The following FGF13 variants were observed in gnomAD, a reference collection of about 807,000 sequenced individuals.
The protein encoded by FGF13 is fibroblast growth factor homologous factor 2.
Under a neutral mutation model 19.5 loss-of-function variants are expected in FGF13, and 2 were observed. That is an observed-to-expected ratio of 0.10 (90% CI 0.04 to 0.32). FGF13 has a LOEUF of 0.32. Ranked by LOEUF, FGF13 falls within the 10% of genes least tolerant of loss-of-function variation. FGF13 has a pLI of 1.00. For missense variants in FGF13, 113 were observed against 192.7 expected, an observed-to-expected ratio of 0.59 and a Z score of 2.45; for synonymous variants, 72 against 76.9, an observed-to-expected ratio of 0.94 and a Z score of 0.33.
At chrX:138,972,517 C>G (rs1054629746) in intron 1 of FGF13, among the ~76,000 whole-genome samples, 2 of 108,733 alleles carry the variant, frequency 1.8e-5, no homozygotes, top group Admixed American at 2.0e-4. Context: ...CCACCATGCC[C>G]GGCTAATTTT....
chrX:138,848,216 G>C (rs1049730267), intron 3 of FGF13, among the ~76,000 whole-genome samples: 33 of 111,752 alleles, frequency 3.0e-4, no homozygotes, highest in Non-Finnish European at 5.3e-4. Flanking sequence ...GTGTGCACAT[G>C]GTGGGAAAGA....
chrX:138,816,666 C>A (rs948878459), intron 3 of FGF13, among the ~76,000 whole-genome samples: 3 of 112,741 alleles, frequency 2.7e-5, no homozygotes, highest in Non-Finnish European at 5.6e-5. Flanking sequence ...GCTTGTCCAA[C>A]CCATGGCCCA....
At chrX:138,962,952 A>G (rs982427279) in intron 1 of FGF13, among the ~76,000 whole-genome samples, 3 of 111,516 alleles carry the variant, frequency 2.7e-5, no homozygotes, top group African/African-American at 9.8e-5. Context: ...TACGTAACAA[A>G]CCTGCACGTT....
intron 1 of FGF13, among the ~76,000 whole-genome samples, chrX:139,168,245 T>C (rs2084101722): frequency 8.9e-6 from 1 of 111,858 alleles, no homozygotes; most frequent in East Asian, 2.8e-4. Flanking sequence ...CAGGTTTGGG[T>C]ACCCTATAAT....
At chrX:138,880,850 C>G (rs2091419939) in intron 1 of FGF13, among the ~76,000 whole-genome samples, 1 of 111,747 alleles carries the variant, frequency 8.9e-6, no homozygotes, top group Non-Finnish European at 1.9e-5. Context: ...ATTTTGAAAT[C>G]TATTAGTGTG....
At position 138,818,501 on chromosome X, in the gene FGF13, C is replaced by CACAG. The variant is rs1167056291; in HGVS notation, c.217+39010_217+39011insCTGT. Among the ~76,000 whole-genome samples, 8 of 27,898 alleles carry CACAG rather than the reference C, an allele frequency of 2.9e-4. No individual in the cohort carries two copies. The Admixed American group carries it at 3.1e-3, about 11-fold the overall frequency. 24.2% of individuals were successfully genotyped at this position (27,898 alleles called of 115,157 possible). A position where few individuals can be genotyped will look rare whatever the true frequency, so the allele number is the denominator to read the frequency against. On this transcript the variant is annotated intron_variant, in intron 3 of 6. Coordinates refer to the FGF13 transcript ENST00000436198. ...ATATAAGGATATATATATGCACAGA[C>CACAG]ACACACACACACACACACACACACA... is the stretch of plus-strand genomic sequence containing the variant.
intron 3 of FGF13, among the ~76,000 whole-genome samples, chrX:138,780,289 G>A (rs1480612218): frequency 9.8e-6 from 1 of 101,813 alleles, no homozygotes; most frequent in African/African-American, 3.7e-5. Flanking sequence ...ACATCATAAT[G>A]ACAGGATCAA....
At chrX:138,675,589 A>C (rs1355976709) in intron 3 of FGF13, among the ~76,000 whole-genome samples, 13 of 111,490 alleles carry the variant, frequency 1.2e-4, no homozygotes, top group Admixed American at 1.1e-3. Context: ...TCTATAAAAT[A>C]TTACAAATTC....
At chrX:138,777,948 G>A (rs1304247592) in intron 3 of FGF13, among the ~76,000 whole-genome samples, 1 of 111,294 alleles carries the variant, frequency 9.0e-6, no homozygotes. Context: ...ATAACATTGA[G>A]ATGACTTAGA....
chrX:138,987,865 A>T (rs1216531517), intron 1 of FGF13, among the ~76,000 whole-genome samples: 3 of 112,286 alleles, frequency 2.7e-5, no homozygotes, highest in Non-Finnish European at 5.6e-5. Flanking sequence ...CTCAATGTTG[A>T]TGAGGGGACA....
upstream of FGF13, among the ~76,000 whole-genome samples, chrX:138,711,867 T>C (rs1476036025): frequency 1.0e-5 from 1 of 95,401 alleles, no homozygotes; most frequent in Non-Finnish European, 2.1e-5. Flanking sequence ...CTGTAGGGGC[T>C]TCCGCACTGC....
At chrX:138,771,653 A>G (rs183492396) in intron 3 of FGF13, among the ~76,000 whole-genome samples, 222 of 110,788 alleles carry the variant, frequency 2.0e-3, no homozygotes, top group African/African-American at 6.6e-3. Context: ...GAGACACATG[A>G]GAACGCTCTC....
intron 1 of FGF13, among the ~76,000 whole-genome samples, chrX:138,868,140 C>T (rs2091338956): frequency 8.9e-6 from 1 of 111,859 alleles, no homozygotes; most frequent in Non-Finnish European, 1.9e-5. Flanking sequence ...TTTGGTCTCA[C>T]TCACTTTGCT....
intron 3 of FGF13, among the ~76,000 whole-genome samples, chrX:138,650,375 T>C (rs2089356278): frequency 8.9e-6 from 1 of 112,210 alleles, no homozygotes; most frequent in South Asian, 3.6e-4. Flanking sequence ...AGGAACAGAT[T>C]AAAATTTAAA....
intron 3 of FGF13, among the ~76,000 whole-genome samples, chrX:138,755,226 C>G (rs2090424624): frequency 8.9e-6 from 1 of 112,263 alleles, no homozygotes; most frequent in South Asian, 3.7e-4. Context: ...TCCCTAGCAC[C>G]TAACTCCATG....
intron 1 of FGF13, among the ~76,000 whole-genome samples, chrX:139,085,342 C>A (rs1033133169): frequency 2.7e-5 from 3 of 111,896 alleles, no homozygotes; most frequent in African/African-American, 9.7e-5. Context: ...TCCTGACTCT[C>A]CTCATCTCTA....
At chrX:138,902,426 A>T (rs956419806) in intron 1 of FGF13, among the ~76,000 whole-genome samples, 1 of 112,076 alleles carries the variant, frequency 8.9e-6, no homozygotes, top group Non-Finnish European at 1.9e-5. Flanking sequence ...TTGTTCTCTG[A>T]AGGAAACCAT....
chrX:139,158,056 C>T (rs767599455), intron 1 of FGF13, among the ~76,000 whole-genome samples: 16 of 111,746 alleles, frequency 1.4e-4, no homozygotes, highest in East Asian at 2.9e-4. Context: ...ATGTGCCATG[C>T]GGAATGGTGC....
At chrX:139,199,265 A>G (rs2148282753) in intron 1 of FGF13, among the ~76,000 whole-genome samples, 1 of 112,189 alleles carries the variant, frequency 8.9e-6, no homozygotes, top group East Asian at 2.8e-4. Context: ...GGTAATAGAC[A>G]TGTAGGATCC....
Sources: gnomAD v4.1 joint callset for allele counts (sites outside exome capture counted in the v4.1 genomes callset) on GRCh38, gnomAD v4.1.1 for gene constraint, MANE v1.5 for transcripts, NCBI Gene and HGNC (gene_info 2026-07-23, HGNC 2026-07-21) for gene names.